Variants in TMEM232 observed in about 807,000 individuals in gnomAD.
TMEM232 encodes transmembrane protein 232.
In TMEM232, 80 loss-of-function variants were observed where a neutral mutation model predicts 78.8. The observed-to-expected ratio is 1.01, with a 90% CI of 0.85 to 1.22. The LOEUF (loss-of-function observed/expected upper bound fraction) is 1.22, where lower values mean the gene tolerates loss of function less well. Among genes scored for constraint, TMEM232 ranks in the 50% most tolerant of loss-of-function variants. The pLI is 0.00. For synonymous variants in TMEM232, 297 were observed against 254.3 expected (o/e 1.17, Z -1.60); for missense variants, 881 against 742.2 (o/e 1.19, Z -2.17).
chr5:110,513,175 C>CTTTTT (rs1768046231), intron 12 of TMEM232, among the ~76,000 whole-genome samples: 1 of 152,148 alleles, frequency 6.6e-6, no homozygotes, highest in Non-Finnish European at 1.5e-5. Flanking sequence ...TGCAGATAAA[C>CTTTTT]TGAGTTATAT....
chr5:110,647,559 C>G (rs1471440511), intron 2 of TMEM232, among the ~76,000 whole-genome samples: 1 of 151,706 alleles, frequency 6.6e-6, no homozygotes, highest in Non-Finnish European at 1.5e-5. Context: ...AAATAAATCT[C>G]CTTTTAAAAA....
chr5:110,668,263 G>A (rs369217669), intron 1 of TMEM232, among the ~76,000 whole-genome samples: 1 of 152,158 alleles, frequency 6.6e-6, no homozygotes, highest in South Asian at 2.1e-4. Context: ...TAGGGCTAAA[G>A]AGGAAGATAG....
At chr5:110,453,612 T>C (rs1580741763) in intron 12 of TMEM232, among the ~76,000 whole-genome samples, 1 of 152,296 alleles carries the variant, frequency 6.6e-6, no homozygotes, top group East Asian at 1.9e-4. Flanking sequence ...AACTTGATAG[T>C]ACGGTGCTTA....
At chr5:110,440,488 A>G (rs1212824911) in intron 12 of TMEM232, among the ~76,000 whole-genome samples, 1 of 152,120 alleles carries the variant, frequency 6.6e-6, no homozygotes, top group Non-Finnish European at 1.5e-5. Flanking sequence ...GATATTTGAA[A>G]TGATATTTCA....
rs538873430 is a variant in TMEM232, at chr5:110,732,620, C to T, written c.-13+2283G>A. Among the ~76,000 whole-genome samples the T allele has an allele frequency of 1.2e-4, 19 of 152,258 alleles. No homozygotes were observed. In the East Asian group the frequency reaches 2.3e-3, roughly 19 times the overall value. ...CACTATCAAGAGAATAGCATGGGAA[C>T]GACCAGCTCCCATGATTCAATTACC... On this transcript the variant is annotated intron_variant, in intron 2 of 4. Transcript: ENST00000512886.
chr5:110,492,930 T>C (rs116100594), intron 12 of TMEM232, among the ~76,000 whole-genome samples: 3,190 of 152,030 alleles, frequency 0.021, 80 homozygotes, highest in African/African-American at 0.059. Flanking sequence ...ATGTAGGGGT[T>C]GGTGAGAGAG....
At chr5:110,462,549 A>G (rs368958679) in intron 12 of TMEM232, among the ~76,000 whole-genome samples, 70 of 152,272 alleles carry the variant, frequency 4.6e-4, no homozygotes, top group Middle Eastern at 3.4e-3. Flanking sequence ...CTCGAACATC[A>G]GACTCCAAGT....
chr5:110,637,540 A>G (rs1313861328), intron 5 of TMEM232, among the ~76,000 whole-genome samples: 1 of 151,734 alleles, frequency 6.6e-6, no homozygotes, highest in Non-Finnish European at 1.5e-5. Flanking sequence ...AATCAATTTA[A>G]TTTGTTTCAT....
chr5:110,495,424 T>C (rs1182155237), intron 12 of TMEM232, among the ~76,000 whole-genome samples: 1 of 151,914 alleles, frequency 6.6e-6, no homozygotes, highest in Non-Finnish European at 1.5e-5. Flanking sequence ...TGCAATAAAG[T>C]ATAATAACAG....
chr5:110,502,708 C>T lies in TMEM232; in HGVS notation c.1703+25880G>A, dbSNP rs553336795. Among the ~76,000 whole-genome samples the T allele has an allele frequency of 2.6e-5, 4 of 152,322 alleles. No homozygotes were observed. The South Asian group carries it at 6.2e-4, about 24-fold the overall frequency. On this transcript the variant is annotated intron_variant, in intron 12 of 13. Transcript: ENST00000455884. ...CCCCTCACTCACTACCCGGTAGCCA[C>T]ATTGCCCACGTTTTTAGAACTGCAC...
intron 5 of TMEM232, 48 bp downstream of exon 5, chr5:110,638,150 G>A: frequency 1.5e-6 from 2 of 1,377,088 alleles, no homozygotes; most frequent in Non-Finnish European, 2.0e-6. Flanking sequence ...GTTGTTACAT[G>A]TAGTATGTGA....
intron 12 of TMEM232, among the ~76,000 whole-genome samples, chr5:110,495,688 T>C (rs1376067826): frequency 6.6e-6 from 1 of 151,800 alleles, no homozygotes; most frequent in Non-Finnish European, 1.5e-5. Flanking sequence ...TAAAATATTT[T>C]CTTTGACTCC....
intron 2 of TMEM232, among the ~76,000 whole-genome samples, chr5:110,648,342 G>A (rs773415722): frequency 6.6e-6 from 1 of 152,002 alleles, no homozygotes; most frequent in Non-Finnish European, 1.5e-5. Context: ...AAAACAGTTG[G>A]ATGTTTTCTA....
chr5:110,428,991 G>T (rs1272357569), intron 12 of TMEM232, among the ~76,000 whole-genome samples: 1 of 151,790 alleles, frequency 6.6e-6, no homozygotes, highest in African/African-American at 2.4e-5. Flanking sequence ...CTGGGACTGA[G>T]ATTACATTGA....
chr5:110,645,542 T>C (rs1787370651), intron 2 of TMEM232, among the ~76,000 whole-genome samples: 1 of 146,900 alleles, frequency 6.8e-6, no homozygotes, highest in South Asian at 2.1e-4. Flanking sequence ...CTCAAGAAAA[T>C]AGGTGTAAAA....
intron 11 of TMEM232, among the ~76,000 whole-genome samples, chr5:110,536,687 G>A (rs1772400440): frequency 6.6e-6 from 1 of 152,100 alleles, no homozygotes; most frequent in Non-Finnish European, 1.5e-5. Context: ...AACCCACCTA[G>A]CTATGCAAAG....
chr5:110,548,975 T>C (rs1774118871), intron 11 of TMEM232, among the ~76,000 whole-genome samples: 1 of 151,910 alleles, frequency 6.6e-6, no homozygotes. Flanking sequence ...AATAAAAGTC[T>C]CAATATATGT....
intron 11 of TMEM232, among the ~76,000 whole-genome samples, chr5:110,548,652 T>C (rs1454952242): frequency 6.6e-5 from 10 of 151,802 alleles, no homozygotes; most frequent in African/African-American, 7.3e-5. Context: ...TAACAAAACA[T>C]AGAAATATAT....
intron 2 of TMEM232, among the ~76,000 whole-genome samples, chr5:110,402,086 A>G (rs1755622900): frequency 6.6e-6 from 1 of 152,134 alleles, no homozygotes; most frequent in Non-Finnish European, 1.5e-5. Flanking sequence ...GAGGCTGAAG[A>G]AGAAAAATCA....
Sources: gnomAD v4.1 joint callset for allele counts (sites outside exome capture counted in the v4.1 genomes callset) on GRCh38, gnomAD v4.1.1 for gene constraint, MANE v1.5 for transcripts, NCBI Gene and HGNC (gene_info 2026-07-23, HGNC 2026-07-21) for gene names.